Variants in CA10 observed in about 807,000 individuals in gnomAD.
CA10 encodes carbonic anhydrase-related protein 10.
CA10 carries 14 observed loss-of-function variants against 44.2 expected under a neutral mutation model. The ratio of observed to expected loss-of-function variants is 0.32; its 90% CI spans 0.21 to 0.50. The LOEUF is 0.50. Ranked by LOEUF, CA10 falls within the 20% of genes least tolerant of loss-of-function variation. The pLI is 0.99. For missense variants in CA10, 350 were observed against 409.7 expected (o/e 0.85, Z 1.26); for synonymous variants, 159 against 141.6 (o/e 1.12, Z -0.87).
intron 1 of CA10, among the ~76,000 whole-genome samples, chr17:52,145,247 C>T (rs574499871): frequency 1.3e-5 from 2 of 152,190 alleles, no homozygotes; most frequent in African/African-American, 4.8e-5. Context: ...ATATTTTCAT[C>T]TTGTTGCCTC....
In CA10 at chr17:51,747,630, T is replaced by C. The variant is rs200014191; in HGVS notation, c.465+3A>G. ...ACCTTAGTACTTTGACAGACTAACA[T>C]ACCTCCCCAGAGAAGGCCTGTCCAT... On this transcript the variant is annotated splice_donor_region_variant and intron_variant, in intron 4 of 8. Transcript: ENST00000451037. 1.8e-4 allele frequency: 294 copies of C among 1,606,808 alleles called. 1 individual carries two copies. The East Asian group carries it at 6.4e-3, about 35-fold the overall frequency.
At chr17:51,734,896 C>T (rs998736861) in intron 4 of CA10, among the ~76,000 whole-genome samples, 8 of 152,134 alleles carry the variant, frequency 5.3e-5, no homozygotes, top group Admixed American at 5.2e-4. Flanking sequence ...GCTCAGTTCT[C>T]TGGTGGAGGC....
chr17:51,748,441 T>C, intron 3 of CA10: 3 of 980,934 alleles, frequency 3.1e-6, no homozygotes, highest in South Asian at 4.7e-5. Context: ...TATTCCTGAT[T>C]CCATCTTGCT....
intron 2 of CA10, among the ~76,000 whole-genome samples, chr17:52,018,047 G>A (rs1292858392): frequency 6.6e-6 from 1 of 152,150 alleles, no homozygotes; most frequent in Non-Finnish European, 1.5e-5. Flanking sequence ...CAGAACCCAA[G>A]AGTGAAGGAG....
chr17:51,779,944 C>A (rs1905986185), intron 3 of CA10, among the ~76,000 whole-genome samples: 1 of 152,124 alleles, frequency 6.6e-6, no homozygotes, highest in Non-Finnish European at 1.5e-5. Context: ...CTTGGCTTTG[C>A]CATATGTAGT....
chr17:51,646,468 C>T (rs2143257205), intron 6 of CA10, among the ~76,000 whole-genome samples: 1 of 152,134 alleles, frequency 6.6e-6, no homozygotes, highest in East Asian at 1.9e-4. Context: ...GTTAGGTGTC[C>T]CTCAGTAGCA....
At chr17:51,909,292 G>A (rs116000991) in intron 3 of CA10, among the ~76,000 whole-genome samples, 2,901 of 152,170 alleles carry the variant, frequency 0.019, 91 homozygotes, top group African/African-American at 0.066. Context: ...TACACTGAAG[G>A]GGGAGCTCAG....
chr17:51,994,141 T>C (rs750718904), intron 2 of CA10, among the ~76,000 whole-genome samples: 83 of 152,120 alleles, frequency 5.5e-4, no homozygotes, highest in Non-Finnish European at 1.1e-3. Flanking sequence ...ATAGATATTG[T>C]CCAGGTTCCG....
At chr17:51,917,691 T>C (rs1386195422) in intron 3 of CA10, among the ~76,000 whole-genome samples, 2 of 152,188 alleles carry the variant, frequency 1.3e-5, no homozygotes, top group Admixed American at 1.3e-4. Context: ...CTGGACCTAG[T>C]GAGAACTCAC....
chr17:51,882,703 GTTCCT>G (rs1980430101), intron 3 of CA10, among the ~76,000 whole-genome samples: 1 of 152,098 alleles, frequency 6.6e-6, no homozygotes, highest in African/African-American at 2.4e-5. Flanking sequence ...CAGCTCTCTT[GTTCCT>G]ACACAAACAA....
At chr17:52,154,181 A>T (rs1989758074) in intron 1 of CA10, among the ~76,000 whole-genome samples, 1 of 152,248 alleles carries the variant, frequency 6.6e-6, no homozygotes, top group Non-Finnish European at 1.5e-5. Context: ...AAAATAAAAA[A>T]TATTAAATAA....
chr17:51,653,931 C>T lies in CA10; in HGVS notation c.466-195G>A, dbSNP rs138808804. On this transcript the variant is annotated intron_variant, in intron 4 of 8. Coordinates refer to ENST00000451037, the MANE Select transcript of CA10 (RefSeq NM_020178.5). ...ATGCATGTACACGCACACAAAAATACCCATACATATTTGCAAATGTTTTCT... is the reference window on the plus strand; with the variant it reads ...ATGCATGTACACGCACACAAAAATATCCATACATATTTGCAAATGTTTTCT... Among the ~76,000 whole-genome samples the T allele has an allele frequency of 8.9e-4, 135 of 152,310 alleles. 2 individuals are homozygous for T. The highest frequency in any genetic ancestry group is 1.6e-3 in the Non-Finnish European group (112 of 68,026).
Position 51,747,723 on chromosome 17 carries a change from G to A in CA10, c.375C>T (p.Ser125=). ...VNISGGPMTY[S]HRLEEIRLHF... ...GTAGTCGGATCTCCTCCAGCCGGTG[G>A]CTGTATGTCATGGGCCCTCCAGATA... The change falls in exon 4 of 9, where the codon AGC becomes AGT. Residue 125 remains serine, a synonymous_variant. Transcript: ENST00000451037. 1 of 1,614,148 alleles carries A rather than the reference G, an allele frequency of 6.2e-7. No homozygotes were observed. The highest frequency in any genetic ancestry group is 8.5e-7 in the Non-Finnish European group (1 of 1,179,968).
chr17:51,875,696 G>A lies in CA10; in HGVS notation c.279+55294C>T, dbSNP rs892897433. 4.6e-5 allele frequency among the ~76,000 whole-genome samples: 7 copies of A among 151,832 alleles called. No individual in the cohort carries two copies. The South Asian group carries it at 1.2e-3, about 27-fold the overall frequency. On this transcript the variant is annotated intron_variant, in intron 3 of 8. Transcript: ENST00000451037. Reference sequence around the variant, plus strand: ...TACTAAAGTTTATTTTTTGGGGGGGGTATATAGTTAAATGAGTTTTAGTAC... The same window carrying A: ...TACTAAAGTTTATTTTTTGGGGGGGATATATAGTTAAATGAGTTTTAGTAC...
intron 1 of CA10, among the ~76,000 whole-genome samples, chr17:52,128,968 T>C (rs1989175732): frequency 6.6e-6 from 1 of 152,196 alleles, no homozygotes; most frequent in Non-Finnish European, 1.5e-5. Context: ...CTATTTCAGT[T>C]AGACCCAGCA....
intron 4 of CA10, among the ~76,000 whole-genome samples, chr17:51,731,673 A>AAAATATT (rs570339949): frequency 7.3e-5 from 2 of 27,370 alleles, no homozygotes; most frequent in Admixed American, 5.3e-4. Flanking sequence ...AAAAAAAAAA[A>AAAATATT]GATTTATTTA....
intron 1 of CA10, among the ~76,000 whole-genome samples, chr17:52,136,533 G>A (rs751897819): frequency 1.1e-4 from 16 of 152,076 alleles, no homozygotes; most frequent in East Asian, 1.9e-4. Flanking sequence ...GGAATCCTAC[G>A]CACCCTAACT....
At chr17:51,952,103 T>C (rs1005395887) in intron 2 of CA10, among the ~76,000 whole-genome samples, 1 of 152,184 alleles carries the variant, frequency 6.6e-6, no homozygotes, top group East Asian at 1.9e-4. Context: ...AGAACCAGAA[T>C]AGAACAGCTT....
chr17:52,156,579 G>C (rs1040014601), intron 1 of CA10, among the ~76,000 whole-genome samples: 1 of 152,194 alleles, frequency 6.6e-6, no homozygotes, highest in African/African-American at 2.4e-5. Context: ...CTCCTATCCA[G>C]AATCAGGTCT....
Sources: allele counts gnomAD v4.1 joint callset (sites outside exome capture counted in the v4.1 genomes callset), GRCh38; gene constraint gnomAD v4.1.1; transcripts MANE v1.5; gene names NCBI Gene and HGNC (gene_info 2026-07-23, HGNC 2026-07-21).